PTPN22: variants seen among roughly 807,000 people sequenced by gnomAD.
PTPN22 encodes the protein protein tyrosine phosphatase non-receptor type 22.
Under a neutral mutation model 103.3 loss-of-function variants are expected in PTPN22, and 85 were observed. The observed-to-expected ratio is 0.82, with a 90% CI of 0.69 to 0.99. PTPN22 has a LOEUF of 0.99. Ranked by LOEUF, PTPN22 falls within the 50% of genes least tolerant of loss-of-function variation. The pLI is 0.00. For synonymous variants in PTPN22, 323 were observed against 310.2 expected (o/e 1.04, Z -0.43); for missense variants, 865 against 936.9 (o/e 0.92, Z 1.00).
At chr1:113,834,309 C>T in exon 15 of PTPN22, 2 of 1,613,070 alleles carry the variant, frequency 1.2e-6, no homozygotes, top group East Asian at 2.2e-5. Context: ...AATTATTGAC[C>T]TTGCTTGGTC....
intron 1 of PTPN22, among the ~76,000 whole-genome samples, chr1:113,866,868 C>G (rs1042020901): frequency 6.6e-6 from 1 of 152,110 alleles, no homozygotes; most frequent in Non-Finnish European, 1.5e-5. Context: ...CCACTTCAGC[C>G]TCCCAGGTAG....
Position 113,837,816 on chromosome 1 carries a change from G to C in PTPN22, c.1584C>G (p.Tyr528Ter), listed in dbSNP as rs1663154164. Residue 528 changes from tyrosine (Y) to a stop codon, truncating the protein, a stop_gained, in exon 13 of 21, where the codon TAC becomes TAG. Transcript: ENST00000359785. LOFTEE classifies it high-confidence loss of function. ...AATAAGGATTTTCCACTAAAGGTAT[G>C]TAAGAATATACACCAAGAGCACTAG... 4 of 1,613,814 alleles carry C rather than the reference G, an allele frequency of 2.5e-6. No individual in the cohort carries two copies. The highest frequency in any genetic ancestry group is 3.4e-6 in the Non-Finnish European group (4 of 1,179,704).
intron 1 of PTPN22, among the ~76,000 whole-genome samples, chr1:113,860,066 AT>A (rs1665432479): frequency 1.4e-5 from 2 of 147,904 alleles, no homozygotes; most frequent in African/African-American, 2.5e-5. Flanking sequence ...GGCTCAGGTG[AT>A]TCTTCCACCT....
At chr1:113,854,509 A>G in exon 9 of PTPN22, 7 of 1,614,048 alleles carry the variant, frequency 4.3e-6, no homozygotes, top group Non-Finnish European at 5.9e-6. Context: ...TCAATAGCAC[A>G]AATAACACCA....
At chr1:113,852,190 A>G in intron 9 of PTPN22, 86 bp from the exon 10 acceptor site, 1 of 985,010 alleles carries the variant, frequency 1.0e-6, no homozygotes, top group South Asian at 1.5e-5. Context: ...CTTCCATGGC[A>G]TCTGCTCTTC....
chr1:113,822,498 C>G (rs1325672959), intron 19 of PTPN22, among the ~76,000 whole-genome samples: 1 of 152,204 alleles, frequency 6.6e-6, no homozygotes, highest in Non-Finnish European at 1.5e-5. Flanking sequence ...CTCCTGTCTC[C>G]TCTTTACTTA....
intron 14 of PTPN22, 70 bp from the exon 15 acceptor site, chr1:113,834,509 A>C (rs761168264): frequency 1.0e-5 from 15 of 1,459,398 alleles, no homozygotes; most frequent in Non-Finnish European, 1.4e-5. Context: ...TTGCTCAGCA[A>C]ATAATACATA....
intron 12 of PTPN22, 39 bp from the exon 13 acceptor site, chr1:113,838,446 C>T (rs777919392): frequency 1.3e-6 from 2 of 1,584,696 alleles, no homozygotes; most frequent in Middle Eastern, 1.7e-4. Context: ...CACCATACCC[C>T]AAACAGGCCG....
intron 19 of PTPN22, chr1:113,819,910 C>T (rs773836408): frequency 1.7e-5 from 4 of 241,954 alleles, no homozygotes; most frequent in Non-Finnish European, 3.1e-5. Flanking sequence ...AAGAAAATTG[C>T]TAAGGAAATA....
chr1:113,848,739 A>T, intron 10 of PTPN22, 113 bp from the exon 11 acceptor site: 1 of 933,884 alleles, frequency 1.1e-6, no homozygotes, highest in Non-Finnish European at 1.6e-6. Context: ...TAGCAGACCC[A>T]AAAGGACGAT....
At chr1:113,821,770 A>T (rs1661636941) in intron 19 of PTPN22, among the ~76,000 whole-genome samples, 1 of 152,166 alleles carries the variant, frequency 6.6e-6, no homozygotes, top group Admixed American at 6.5e-5. Flanking sequence ...TAAGGAAATG[A>T]CCTATAACTA....
At chr1:113,870,899 G>A (rs1441728323) in intron 1 of PTPN22, among the ~76,000 whole-genome samples, 4 of 152,100 alleles carry the variant, frequency 2.6e-5, no homozygotes, top group Admixed American at 1.3e-4. Flanking sequence ...CAGGCATGGC[G>A]ATACACACCT....
At chr1:113,858,631 G>T in intron 3 of PTPN22, 58 bp from the exon 4 acceptor site, 25 of 1,009,232 alleles carry the variant, frequency 2.5e-5, no homozygotes, top group Non-Finnish European at 3.2e-5. Flanking sequence ...TTCTCACCTA[G>T]TCCTCCGCTT....
At chr1:113,824,261 C>T (rs113662881) in intron 19 of PTPN22, among the ~76,000 whole-genome samples, 4 of 152,180 alleles carry the variant, frequency 2.6e-5, no homozygotes, top group African/African-American at 7.2e-5. Flanking sequence ...GCCACCACAC[C>T]CGGCTAATTT....
chr1:113,834,870 C>T, intron 14 of PTPN22, 40 bp downstream of exon 14: 1 of 1,426,870 alleles, frequency 7.0e-7, no homozygotes, highest in Non-Finnish European at 9.6e-7. Flanking sequence ...CCACCATGCC[C>T]ATCCCACACT....
chr1:113,842,896 T>C (rs963426029), intron 11 of PTPN22, among the ~76,000 whole-genome samples: 1 of 149,936 alleles, frequency 6.7e-6, no homozygotes, highest in Non-Finnish European at 1.5e-5. Context: ...GGTCAGGAGA[T>C]CGAGACCATC....
At chr1:113,856,276 C>G (rs1665059873) in intron 7 of PTPN22, 106 bp downstream of exon 7, 7 of 1,388,792 alleles carry the variant, frequency 5.0e-6, no homozygotes, top group Non-Finnish European at 6.6e-6. Context: ...CATCAAAGAC[C>G]CTACCACTTC....
exon 21 of PTPN22, chr1:113,814,919 TTGG>T: frequency 6.2e-7 from 1 of 1,607,272 alleles, no homozygotes; most frequent in South Asian, 1.1e-5. Flanking sequence ...ATATTCCAAG[TTGG>T]TGGTGGATTC....
Position 113,848,731 on chromosome 1 carries a change from G to A in PTPN22, c.829-105C>T, listed in dbSNP as rs55660222. On this transcript the variant is annotated intron_variant, in intron 10 of 20. Transcript: ENST00000359785. ...TGAACACCAATCAAATCCTAATATA[G>A]CAGACCCAAAAGGACGATCGGCATG... The A allele has an allele frequency of 3.9e-4, 402 of 1,028,952 alleles. 2 individuals carry two copies. The East Asian group carries it at 8.8e-3, about 23-fold the overall frequency. 63.7% of individuals were successfully genotyped at this position (1,028,952 alleles called of 1,614,324 possible). A position where few individuals can be genotyped will look rare whatever the true frequency, so the allele number is the denominator to read the frequency against.
Sources: gnomAD v4.1 joint callset for allele counts (sites outside exome capture counted in the v4.1 genomes callset) on GRCh38, gnomAD v4.1.1 for gene constraint, MANE v1.5 for transcripts, NCBI Gene and HGNC (gene_info 2026-07-23, HGNC 2026-07-21) for gene names.